Variants in CFAP44 observed in about 807,000 individuals in gnomAD.
CFAP44 encodes cilia- and flagella-associated protein 44.
A neutral mutation model predicts 216.2 loss-of-function variants in CFAP44; 134 were observed. The observed-to-expected ratio is 0.62, with a 90% CI of 0.54 to 0.72. The LOEUF is 0.72. Ranked by LOEUF, CFAP44 falls within the 30% of genes least tolerant of loss-of-function variation. CFAP44 has a pLI of 0.00. For missense variants in CFAP44, 2,035 were observed against 2,182.1 expected, an observed-to-expected ratio of 0.93 and a Z score of 1.34; for synonymous variants, 700 against 727.6, an observed-to-expected ratio of 0.96 and a Z score of 0.61.
chr3:113,418,644 G>A (rs1308124146), intron 5 of CFAP44, among the ~76,000 whole-genome samples: 1 of 152,150 alleles, frequency 6.6e-6, no homozygotes, highest in Admixed American at 6.5e-5. Flanking sequence ...AAGGCCTTGT[G>A]GACATAAAAC....
intron 2 of CFAP44, among the ~76,000 whole-genome samples, chr3:113,433,227 G>A (rs1935150727): frequency 6.6e-6 from 1 of 151,566 alleles, no homozygotes; most frequent in Non-Finnish European, 1.5e-5. Flanking sequence ...TCAGGAGTTC[G>A]AGACCAGCCT....
intron 1 of CFAP44, among the ~76,000 whole-genome samples, chr3:113,437,383 G>A (rs973288153): frequency 2.6e-5 from 4 of 152,142 alleles, no homozygotes; most frequent in South Asian, 2.1e-4. Flanking sequence ...CATAAGGTGG[G>A]TAAAAAACAA....
At chr3:113,393,054 G>A (rs1013066658) in intron 15 of CFAP44, among the ~76,000 whole-genome samples, 1 of 152,118 alleles carries the variant, frequency 6.6e-6, no homozygotes, top group African/African-American at 2.4e-5. Context: ...GTGTGTACAT[G>A]GGACGCACCC....
intron 5 of CFAP44, among the ~76,000 whole-genome samples, chr3:113,419,554 C>A (rs1013782222): frequency 6.6e-6 from 1 of 152,160 alleles, no homozygotes; most frequent in Non-Finnish European, 1.5e-5. Flanking sequence ...ATGATAGTAT[C>A]TTTCACTCCA....
intron 9 of CFAP44, among the ~76,000 whole-genome samples, chr3:113,403,395 T>A (rs1240023794): frequency 6.6e-6 from 1 of 152,188 alleles, no homozygotes; most frequent in Non-Finnish European, 1.5e-5. Flanking sequence ...GTCCCTAGCA[T>A]AAGGAGCAAG....
intron 15 of CFAP44, among the ~76,000 whole-genome samples, chr3:113,389,710 G>A (rs2107347245): frequency 6.6e-6 from 1 of 152,176 alleles, no homozygotes. Flanking sequence ...AGGATCAGTA[G>A]AGGCTACTAT....
At chr3:113,394,767 T>C (rs1933944200) in intron 15 of CFAP44, among the ~76,000 whole-genome samples, 1 of 152,156 alleles carries the variant, frequency 6.6e-6, no homozygotes, top group African/African-American at 2.4e-5. Context: ...TTTAAGAAAG[T>C]TTATGAATTT....
intron 22 of CFAP44, among the ~76,000 whole-genome samples, chr3:113,354,811 A>G (rs535413702): frequency 2.0e-5 from 3 of 152,156 alleles, no homozygotes; most frequent in African/African-American, 7.2e-5. Flanking sequence ...GCAAGTTTGC[A>G]TCCTCCCTAC....
chr3:113,395,774 C>A lies in CFAP44; in HGVS notation c.1866G>T (p.Gln622His). ...GYINTPGPVCQLMWSPMSHPE... is the reference protein window; with the variant it reads ...GYINTPGPVCHLMWSPMSHPE... ...CATGAGACATGGGAGACCACATTAACTGACACACAGGTCCAGGAGTATTAA... is the reference window on the plus strand; with the variant it reads ...CATGAGACATGGGAGACCACATTAAATGACACACAGGTCCAGGAGTATTAA... Residue 622 changes from glutamine (Q) to histidine (H), a missense_variant, in exon 15 of 35, where the codon CAG becomes CAT. Coordinates refer to ENST00000393845, the MANE Select transcript of CFAP44 (RefSeq NM_001164496.2). The A allele has an allele frequency of 6.2e-7, 1 of 1,612,880 alleles. No individual in the cohort carries two copies. Among genetic ancestry groups the A allele is most frequent in the Non-Finnish European group, 8.5e-7 (1 of 1,179,602 alleles).
intron 4 of CFAP44, among the ~76,000 whole-genome samples, chr3:113,425,405 A>C (rs999075209): frequency 6.6e-6 from 1 of 152,172 alleles, no homozygotes; most frequent in Admixed American, 6.5e-5. Flanking sequence ...TGCAAACCTA[A>C]CATCATAATG....
Position 113,326,580 on chromosome 3 carries a change from G to A in CFAP44, c.4381C>T (p.Gln1461Ter), listed in dbSNP as rs1950191462. 1.3e-6 allele frequency: 2 copies of A among 1,529,256 alleles called. No homozygotes were observed. The highest frequency in any genetic ancestry group is 1.7e-6 in the Non-Finnish European group (2 of 1,144,462). The allele number at this position is 1,529,256 out of a possible 1,614,324, so 94.7% of individuals were successfully genotyped here. ...GCATAGAGTGCCTTTTCTTGCTCCT[G>A]GAGTTTGGTGATTTCATTCTTTTTC... ...EEKKNEITKL[Q>*]EQEKALYAGF... The change falls in exon 28 of 35, where the codon CAG (glutamine) becomes TAG (stop). Residue 1461 changes from glutamine (Q) to a stop codon, truncating the protein, a stop_gained. Transcript: ENST00000393845. LOFTEE classifies it high-confidence loss of function.
At chr3:113,350,158 A>G (rs925584401) in intron 22 of CFAP44, among the ~76,000 whole-genome samples, 4 of 151,670 alleles carry the variant, frequency 2.6e-5, no homozygotes, top group Admixed American at 2.0e-4. Context: ...AGAGGCAGAG[A>G]AAGACCAGCA....
rs79488585 is a variant in CFAP44 at position 113,358,095 on chromosome 3, C to T, written c.3065+650G>A. On this transcript the variant is annotated intron_variant, in intron 22 of 34. Coordinates refer to ENST00000393845, the MANE Select transcript of CFAP44 (RefSeq NM_001164496.2). ...AAAAAAGGCCAGATGCAAAAGAATCCATACTGTAACACTCTATTTATATGG... is the reference window on the plus strand; with the variant it reads ...AAAAAAGGCCAGATGCAAAAGAATCTATACTGTAACACTCTATTTATATGG... Among the ~76,000 whole-genome samples the T allele has an allele frequency of 1.6e-4, 24 of 152,076 alleles. No individual in the cohort carries two copies. The East Asian group carries it at 4.2e-3, about 27-fold the overall frequency.
rs1006314429 is a variant in CFAP44 at position 113,341,889 on chromosome 3, T to C, written c.3292A>G (p.Ile1098Val). Residue 1098 changes from isoleucine to valine, a missense_variant, in exon 24 of 35, where the codon ATA becomes GTA. By Grantham distance (29) the Ile-to-Val change is conservative. Around this residue, in one of 3 missense-constraint regions of CFAP44, gnomAD observed 1,883 missense variants for 2,023.7 expected, o/e 0.93. Coordinates refer to ENST00000393845, the MANE Select transcript of CFAP44 (RefSeq NM_001164496.2). The stretch of plus-strand genomic sequence containing the variant: ...CGAAATTTCTTCCCTTTTTCTATTA[T>C]TGATTCTTCTTGTATGGTAACACTC... ...GGSVTIQEESIIEKGKKFRPK... is the reference protein window; with the variant it reads ...GGSVTIQEESVIEKGKKFRPK... The C allele has an allele frequency of 6.5e-7, 1 of 1,530,994 alleles. No individual in the cohort carries two copies. Among genetic ancestry groups the C allele is most frequent in the Non-Finnish European group, 8.7e-7 (1 of 1,145,626 alleles). The allele number at this position is 1,530,994 out of a possible 1,614,324, so 94.8% of individuals were successfully genotyped here. A position where few individuals can be genotyped will look rare whatever the true frequency, so the allele number is the denominator to read the frequency against.
intron 15 of CFAP44, 55 bp from the exon 16 acceptor site, chr3:113,381,115 T>C (rs1933496100): frequency 8.0e-7 from 1 of 1,247,204 alleles, no homozygotes; most frequent in Non-Finnish European, 1.1e-6. Flanking sequence ...AAAAGCATAG[T>C]TTAAAGAGAT....
intron 6 of CFAP44, among the ~76,000 whole-genome samples, chr3:113,413,563 G>A (rs2107381066): frequency 6.6e-6 from 1 of 152,272 alleles, no homozygotes; most frequent in East Asian, 1.9e-4. Flanking sequence ...GTAAGGAAGA[G>A]GTCCAGTCTC....
rs200739238 is a variant in CFAP44 at position 113,427,200 on chromosome 3, C to T, written c.240G>A (p.Leu80=). 72 of 1,612,700 alleles carry T rather than the reference C, an allele frequency of 4.5e-5. No homozygotes were observed. The East Asian group carries it at 1.4e-3, about 30-fold the overall frequency. The change falls in exon 3 of 35, where the codon TTG becomes TTA. Residue 80 remains leucine, a synonymous_variant. Coordinates refer to ENST00000393845, the MANE Select transcript of CFAP44 (RefSeq NM_001164496.2). ...AATAATACCTACCTGTAGTGCTTTG[C>T]AAATCACCATACTGAAATGAACTCA... ...GSLSSFQYGD[L]QSTTVPQQTP...
chr3:113,429,298 G>A (rs1477442959), intron 2 of CFAP44, among the ~76,000 whole-genome samples: 3 of 151,948 alleles, frequency 2.0e-5, no homozygotes, highest in Non-Finnish European at 4.4e-5. Flanking sequence ...CTGTTACTAG[G>A]TGAATACACA....
chr3:113,372,659 C>T (rs1933206962), intron 18 of CFAP44, among the ~76,000 whole-genome samples: 1 of 152,248 alleles, frequency 6.6e-6, no homozygotes, highest in South Asian at 2.1e-4. Flanking sequence ...AGCAAGCCAA[C>T]ATGGCATATG....
Sources: allele counts gnomAD v4.1 joint callset (sites outside exome capture counted in the v4.1 genomes callset), GRCh38; gene constraint gnomAD v4.1.1; regional missense constraint gnomAD v4.1.1; transcripts MANE v1.5; gene names NCBI Gene and HGNC (gene_info 2026-07-23, HGNC 2026-07-21).